KIAA0319: variants seen among roughly 807,000 people sequenced by gnomAD.
The protein encoded by KIAA0319 is dyslexia-associated protein KIAA0319.
A neutral mutation model predicts 108.4 loss-of-function variants in KIAA0319; 83 were observed. The observed-to-expected ratio is 0.77, with a 90% CI of 0.64 to 0.92. The LOEUF is 0.92. Among genes scored for constraint, KIAA0319 ranks in the 40% least tolerant of loss-of-function variants. KIAA0319 has a pLI of 0.00. For synonymous variants in KIAA0319, 484 were observed against 510.4 expected, an observed-to-expected ratio of 0.95 and a Z score of 0.70; for missense variants, 1,195 against 1,322.4, an observed-to-expected ratio of 0.90 and a Z score of 1.49.
rs551846048 is a variant in KIAA0319 at position 24,593,127 on chromosome 6, G to T, written c.801+2746C>A. Among the ~76,000 whole-genome samples, 8 of 152,128 alleles carry T rather than the reference G, an allele frequency of 5.3e-5. No homozygotes were observed. The South Asian group carries it at 1.5e-3, about 28-fold the overall frequency. ...ATGATAAAAATGTAAAATAATTCTT[G>T]TCTATAGACATGTAAATTCTCCTGT... On this transcript the variant is annotated intron_variant, in intron 3 of 20. Coordinates refer to ENST00000378214, the MANE Select transcript of KIAA0319 (RefSeq NM_014809.4).
At chr6:24,614,727 T>A (rs1772896499) in intron 1 of KIAA0319, among the ~76,000 whole-genome samples, 1 of 152,142 alleles carries the variant, frequency 6.6e-6, no homozygotes, top group African/African-American at 2.4e-5. Context: ...TTAAAAAAAA[T>A]CAATTGGGTT....
chr6:24,574,658 T>C (rs1216499120), intron 10 of KIAA0319, among the ~76,000 whole-genome samples: 1 of 152,164 alleles, frequency 6.6e-6, no homozygotes, highest in Non-Finnish European at 1.5e-5. Context: ...CTTTTATAGA[T>C]CCCAAGATTG....
At chr6:24,643,425 T>TA (rs1327778401) in intron 1 of KIAA0319, among the ~76,000 whole-genome samples, 6 of 152,026 alleles carry the variant, frequency 3.9e-5, no homozygotes. Flanking sequence ...TCTAAATCTA[T>TA]AAAAAAAATT....
chr6:24,540,486 TA>T (rs1431741965), downstream of KIAA0319, among the ~76,000 whole-genome samples: 2 of 152,184 alleles, frequency 1.3e-5, no homozygotes, highest in African/African-American at 4.8e-5. Flanking sequence ...CCTGCTGCAA[TA>T]AAGTCTCAGT....
Position 24,599,085 on chromosome 6 carries a change from G to A in KIAA0319, c.55+1964C>T. The A allele has an allele frequency of 2.8e-6, 2 of 724,666 alleles. No homozygotes were observed. Among genetic ancestry groups the A allele is most frequent in the Non-Finnish European group, 2.4e-6 (1 of 413,442 alleles). 44.9% of individuals were successfully genotyped at this position (724,666 alleles called of 1,614,324 possible). ...GTCCCAGATCTGGGACACATCTGTG[G>A]TGCTGTCCATGGACAACAGCTGGTC... On this transcript the variant is annotated intron_variant, in intron 2 of 20. Transcript: ENST00000378214. The surrounding 1 kb of genome is among the most constrained non-coding windows in gnomAD (Gnocchi z 4.1).
At chr6:24,587,863 C>T (rs1403011245) in intron 4 of KIAA0319, among the ~76,000 whole-genome samples, 1 of 152,238 alleles carries the variant, frequency 6.6e-6, no homozygotes, top group Non-Finnish European at 1.5e-5. Context: ...GCTGGAATTA[C>T]AGGCGTGAGC....
chr6:24,541,052 T>C (rs1003770403), downstream of KIAA0319, among the ~76,000 whole-genome samples: 2 of 152,190 alleles, frequency 1.3e-5, no homozygotes. Context: ...ACCTAGGAAA[T>C]CCCTGGCAGT....
At chr6:24,548,595 C>G (rs556898381) in intron 20 of KIAA0319, among the ~76,000 whole-genome samples, 43 of 152,282 alleles carry the variant, frequency 2.8e-4, no homozygotes, top group African/African-American at 9.6e-4. Flanking sequence ...TGGCTGTCTC[C>G]TGTCTCTATC....
chr6:24,581,650 C>T (rs1328130935), intron 6 of KIAA0319, among the ~76,000 whole-genome samples: 1 of 152,178 alleles, frequency 6.6e-6, no homozygotes, highest in Non-Finnish European at 1.5e-5. Context: ...GTCCTTAACA[C>T]TGCAAGGAGA....
intron 1 of KIAA0319, among the ~76,000 whole-genome samples, chr6:24,604,190 CAA>C (rs1483775035): frequency 1.3e-5 from 2 of 152,212 alleles, no homozygotes; most frequent in African/African-American, 2.4e-5. Context: ...CCTGGTTCTG[CAA>C]AGTTTGCCAC....
chr6:24,642,068 A>AGGGGC (rs1407749902), intron 1 of KIAA0319, among the ~76,000 whole-genome samples: 1 of 97,874 alleles, frequency 1.0e-5, no homozygotes, highest in Non-Finnish European at 2.1e-5. Flanking sequence ...AGGGGAGGGG[A>AGGGGC]GGAAGGAGAG....
Position 24,599,601 on chromosome 6 carries a change from A to G in KIAA0319, c.55+1448T>C, listed in dbSNP as rs1770301598. The G allele has an allele frequency of 3.2e-6, 2 of 624,162 alleles. No individual in the cohort carries two copies. Among genetic ancestry groups the G allele is most frequent in the East Asian group, 3.5e-5 (1 of 28,598 alleles). 38.7% of individuals were successfully genotyped at this position (624,162 alleles called of 1,614,324 possible). A position where few individuals can be genotyped will look rare whatever the true frequency, so the allele number is the denominator to read the frequency against. Reference sequence around the variant, plus strand: ...CATGAATATCCATACAAAGACCACCAGTGGCTACTCAGGTGAGCTGAGCTC... The same window carrying G: ...CATGAATATCCATACAAAGACCACCGGTGGCTACTCAGGTGAGCTGAGCTC... On this transcript the variant is annotated intron_variant, in intron 2 of 20. Transcript: ENST00000378214. The surrounding 1 kb of genome is among the most constrained non-coding windows in gnomAD (Gnocchi z 4.1).
Position 24,596,194 on chromosome 6 carries a change from G to A in KIAA0319, c.480C>T (p.Tyr160=). The A allele has an allele frequency of 6.2e-7, 1 of 1,614,142 alleles. No homozygotes were observed. The highest frequency in any genetic ancestry group is 8.5e-7 in the Non-Finnish European group (1 of 1,180,038). Residue 160 remains tyrosine (Y), a synonymous_variant, in exon 3 of 21, where the codon TAC becomes TAT. Coordinates refer to ENST00000378214, the MANE Select transcript of KIAA0319 (RefSeq NM_014809.4). ...GCAAGAGGTCCTTCTCCAGCTCCCG[G>A]TAGTCATCTGAGTACTCAGACATCT... The part of the protein sequence containing the change: ...LEEMSEYSDD[Y]RELEKDLLQP...
At chr6:24,609,466 A>C (rs1016417092) in intron 1 of KIAA0319, among the ~76,000 whole-genome samples, 28 of 151,618 alleles carry the variant, frequency 1.8e-4, no homozygotes, top group Admixed American at 1.8e-3. Flanking sequence ...AATCCCAGCT[A>C]ATCAGGAGGC....
intron 9 of KIAA0319, among the ~76,000 whole-genome samples, chr6:24,577,417 AC>A (rs1181903030): frequency 6.6e-6 from 1 of 152,226 alleles, no homozygotes; most frequent in Non-Finnish European, 1.5e-5. Context: ...TCAAATGCGA[AC>A]CAATGCTCAA....
intron 16 of KIAA0319, among the ~76,000 whole-genome samples, chr6:24,559,609 C>T (rs549469736): frequency 1.5e-5 from 1 of 68,824 alleles, no homozygotes; most frequent in Admixed American, 1.4e-4. Context: ...GCAATAAATC[C>T]ATAATAGTAA....
intron 1 of KIAA0319, among the ~76,000 whole-genome samples, chr6:24,625,426 A>G (rs1009650647): frequency 4.6e-5 from 7 of 152,178 alleles, no homozygotes; most frequent in African/African-American, 1.7e-4. Context: ...ATATTTATTG[A>G]TACAACTTGA....
chr6:24,602,427 C>T (rs1214720388), intron 1 of KIAA0319, among the ~76,000 whole-genome samples: 1 of 152,240 alleles, frequency 6.6e-6, no homozygotes, highest in Non-Finnish European at 1.5e-5. Context: ...ATTGTTTATG[C>T]ATGCACATCA....
At chr6:24,639,342 T>C (rs556709502) in intron 1 of KIAA0319, among the ~76,000 whole-genome samples, 9 of 152,216 alleles carry the variant, frequency 5.9e-5, no homozygotes, top group East Asian at 3.9e-4. Context: ...TTGGTAAGAA[T>C]AGATGCTAGG....
Sources: allele counts gnomAD v4.1 joint callset (sites outside exome capture counted in the v4.1 genomes callset), GRCh38; gene constraint gnomAD v4.1.1; non-coding constraint Gnocchi (gnomAD v3.1); transcripts MANE v1.5; gene names NCBI Gene and HGNC (gene_info 2026-07-23, HGNC 2026-07-21).